Variants in KAT6A observed in about 807,000 individuals in gnomAD.
The protein encoded by KAT6A is histone acetyltransferase KAT6A.
KAT6A carries 9 observed loss-of-function variants against 198.4 expected under a neutral mutation model. The ratio of observed to expected loss-of-function variants is 0.05; its 90% CI spans 0.03 to 0.08. The LOEUF (loss-of-function observed/expected upper bound fraction) is 0.08, where lower values mean the gene tolerates loss of function less well. KAT6A is among the 10% of genes least tolerant of loss of function. The pLI is 1.00. For synonymous variants in KAT6A, 890 were observed against 883.0 expected, an observed-to-expected ratio of 1.01 and a Z score of -0.14; for missense variants, 2,077 against 2,509.9, an observed-to-expected ratio of 0.83 and a Z score of 3.69.
chr8:42,029,076 T>G (rs1284801694), intron 2 of KAT6A, among the ~76,000 whole-genome samples: 7 of 152,234 alleles, frequency 4.6e-5, no homozygotes, highest in Non-Finnish European at 8.8e-5. Context: ...GGTGTAGTAT[T>G]CTTGGCCAGT....
chr8:41,994,311 T>C (rs1208130675), intron 2 of KAT6A, among the ~76,000 whole-genome samples: 1 of 152,148 alleles, frequency 6.6e-6, no homozygotes, highest in Non-Finnish European at 1.5e-5. Flanking sequence ...CCATCTCAGA[T>C]TAAATGCCAC....
At chr8:42,004,430 A>T (rs1310887635) in intron 2 of KAT6A, among the ~76,000 whole-genome samples, 1 of 152,174 alleles carries the variant, frequency 6.6e-6, no homozygotes, top group Non-Finnish European at 1.5e-5. Context: ...CTCTCACCAG[A>T]CTCTGCAAAG....
chr8:42,020,248 T>A (rs968713907), intron 2 of KAT6A, among the ~76,000 whole-genome samples: 1 of 152,198 alleles, frequency 6.6e-6, no homozygotes, highest in Admixed American at 6.5e-5. Flanking sequence ...CAGCAGAGAC[T>A]GTATGGCCCG....
At chr8:41,963,364 T>C (rs900091042) in intron 8 of KAT6A, among the ~76,000 whole-genome samples, 2 of 152,206 alleles carry the variant, frequency 1.3e-5, no homozygotes, top group African/African-American at 2.4e-5. Context: ...TGTGTAAGCA[T>C]GGTCTCTTCT....
chr8:41,950,612 C>T (rs1209410558), intron 9 of KAT6A, among the ~76,000 whole-genome samples: 5 of 152,050 alleles, frequency 3.3e-5, no homozygotes, highest in Admixed American at 2.0e-4. Context: ...TCCTATAATA[C>T]GAATCAGAGA....
chr8:41,974,228 C>T (rs1353789289), intron 8 of KAT6A: 2 of 152,172 alleles, frequency 1.3e-5, no homozygotes, highest in Non-Finnish European at 2.9e-5. Flanking sequence ...CAGGTGTGCA[C>T]CAACATACCT....
At chr8:41,970,829 C>A (rs1265646768) in intron 8 of KAT6A, among the ~76,000 whole-genome samples, 6 of 152,156 alleles carry the variant, frequency 3.9e-5, no homozygotes, top group African/African-American at 1.4e-4. Flanking sequence ...ACCCAAATGT[C>A]CAGAAATGAT....
At position 41,956,981 on chromosome 8, in the gene KAT6A, ACC is replaced by A. The variant is rs772044212; in HGVS notation, c.1483-1572_1483-1571del. 13 of 498,728 alleles carry A rather than the reference ACC, an allele frequency of 2.6e-5. No individual in the cohort carries two copies. In the East Asian group the frequency reaches 5.1e-4, roughly 20 times the overall value. 30.9% of individuals were successfully genotyped at this position (498,728 alleles called of 1,614,324 possible). A position where few individuals can be genotyped will look rare whatever the true frequency, so the allele number is the denominator to read the frequency against. On this transcript the variant is annotated intron_variant, in intron 8 of 16. Transcript: ENST00000265713. ...TAGGAAACTTTCAAAATAACTAAAT[ACC>A]AGAAACCAGATCTAACTTCCTGAGG...
chr8:41,965,863 C>G (rs538129739), intron 8 of KAT6A, among the ~76,000 whole-genome samples: 3 of 152,106 alleles, frequency 2.0e-5, no homozygotes, highest in African/African-American at 7.2e-5. Context: ...CTCCTTGATG[C>G]TGCTGAAAGT....
chr8:42,043,749 G>C (rs1827775497), intron 2 of KAT6A, among the ~76,000 whole-genome samples: 1 of 152,148 alleles, frequency 6.6e-6, no homozygotes, highest in Non-Finnish European at 1.5e-5. Context: ...CTAAGAGGTG[G>C]TCAGTATGGC....
At chr8:42,034,378 C>T (rs959552381) in intron 2 of KAT6A, among the ~76,000 whole-genome samples, 2 of 152,140 alleles carry the variant, frequency 1.3e-5, no homozygotes, top group Admixed American at 1.3e-4. Context: ...TCTACATCCA[C>T]ACTTTGAGAA....
intron 2 of KAT6A, among the ~76,000 whole-genome samples, chr8:42,001,473 G>T (rs1469939914): frequency 6.6e-6 from 1 of 152,006 alleles, no homozygotes; most frequent in Non-Finnish European, 1.5e-5. Context: ...CATGGTCAAG[G>T]GACTTTTCAA....
chr8:42,044,364 G>A (rs556798699), intron 2 of KAT6A, among the ~76,000 whole-genome samples: 3 of 152,108 alleles, frequency 2.0e-5, no homozygotes, highest in African/African-American at 7.2e-5. Context: ...GCATCCCAAA[G>A]TGCTGGGATT....
chr8:42,038,888 A>G (rs1827504314), intron 2 of KAT6A, among the ~76,000 whole-genome samples: 1 of 152,152 alleles, frequency 6.6e-6, no homozygotes, highest in South Asian at 2.1e-4. Context: ...CCAGAATGGC[A>G]TACTACTATA....
intron 2 of KAT6A, among the ~76,000 whole-genome samples, chr8:42,022,392 T>A (rs1211333978): frequency 6.6e-6 from 1 of 151,698 alleles, no homozygotes; most frequent in Admixed American, 6.6e-5. Flanking sequence ...AAAAAAAAAA[T>A]TTGATTACCT....
At chr8:42,041,233 T>TA (rs1242936657) in intron 2 of KAT6A, among the ~76,000 whole-genome samples, 3 of 150,746 alleles carry the variant, frequency 2.0e-5, no homozygotes, top group Non-Finnish European at 2.9e-5. Flanking sequence ...TGATTGTACT[T>TA]AAACAGATAC....
chr8:41,954,038 G>C (rs1822799321), intron 9 of KAT6A, among the ~76,000 whole-genome samples: 1 of 152,154 alleles, frequency 6.6e-6, no homozygotes, highest in South Asian at 2.1e-4. Context: ...TGATCCCACA[G>C]TAAATGGCCC....
chr8:41,959,648 A>G (rs1052414196), intron 8 of KAT6A, among the ~76,000 whole-genome samples: 1 of 152,222 alleles, frequency 6.6e-6, no homozygotes, highest in African/African-American at 2.4e-5. Flanking sequence ...ACAATGGAAT[A>G]TTCTCCAGCC....
In KAT6A at chr8:41,977,346, G is replaced by A. The variant is rs1318786705; in HGVS notation, c.1044-19C>T. Reference sequence around the variant, plus strand: ...TTTTGATCTAAACAATTAAACAGGGGAAAGGGTAAGTATTAAAAAAGATAC... The same window carrying A: ...TTTTGATCTAAACAATTAAACAGGGAAAAGGGTAAGTATTAAAAAAGATAC... On this transcript the variant is annotated intron_variant, in intron 6 of 16. Coordinates refer to ENST00000265713, the MANE Select transcript of KAT6A (RefSeq NM_006766.5). 1 of 1,581,868 alleles carries A rather than the reference G, an allele frequency of 6.3e-7. No homozygotes were observed. The highest frequency in any genetic ancestry group is 8.6e-7 in the Non-Finnish European group (1 of 1,158,930).
Sources: gnomAD v4.1 joint callset for allele counts (sites outside exome capture counted in the v4.1 genomes callset) on GRCh38, gnomAD v4.1.1 for gene constraint, MANE v1.5 for transcripts, NCBI Gene and HGNC (gene_info 2026-07-23, HGNC 2026-07-21) for gene names.